The following SF1 variants were observed in gnomAD, a reference collection of about 807,000 sequenced individuals.
SF1 encodes the protein splicing factor 1, also known as branch point-binding protein.
Under a neutral mutation model 62.5 loss-of-function variants are expected in SF1, and 7 were observed. The observed-to-expected ratio is 0.11, with a 90% CI of 0.06 to 0.21. SF1 has a LOEUF of 0.21. SF1 is among the 10% of genes least tolerant of loss of function. The probability of loss-of-function intolerance (pLI) is 1.00; values close to 1 mark genes in which losing one functional copy is unlikely to be tolerated. For missense variants in SF1, 578 were observed against 884.0 expected (o/e 0.65, Z 4.39); for synonymous variants, 394 against 323.6 (o/e 1.22, Z -2.33).
intron 1 of SF1, among the ~76,000 whole-genome samples, chr11:64,777,285 C>G (rs1335924706): frequency 6.6e-6 from 1 of 152,172 alleles, no homozygotes; most frequent in Non-Finnish European, 1.5e-5. Context: ...CGTACATAGG[C>G]AGAAACTCCC....
rs564548473 is a variant in SF1 at position 64,772,751 on chromosome 11, G to A, written c.236+679C>T. The A allele has an allele frequency of 9.1e-6, 9 of 985,204 alleles. No individual in the cohort carries two copies. In the African/African-American group the frequency reaches 1.4e-4, roughly 15 times the overall value. 61.0% of individuals were successfully genotyped at this position (985,204 alleles called of 1,614,324 possible). On this transcript the variant is annotated intron_variant, in intron 3 of 12. Transcript: ENST00000377390. ...TTATTTTTCTGAGGTGAGAGAAACT[G>A]CAAACTGAAATGACATGACCACAGC...
rs180675769 is a variant in SF1, at chr11:64,770,574, A to T, written c.237-166T>A. 23 of 704,948 alleles carry T rather than the reference A, an allele frequency of 3.3e-5. 1 individual carries two copies. In the Admixed American group the frequency reaches 5.4e-4, roughly 17 times the overall value. The allele number at this position is 704,948 out of a possible 1,614,324, so 43.7% of individuals were successfully genotyped here. A position where few individuals can be genotyped will look rare whatever the true frequency, so the allele number is the denominator to read the frequency against. Reference sequence around the variant, plus strand: ...ACTCAAGATCGTGTGGAATGGGGAGATGGAAGCTGGCTTAACGTTAGGGGT... The same window carrying T: ...ACTCAAGATCGTGTGGAATGGGGAGTTGGAAGCTGGCTTAACGTTAGGGGT... On this transcript the variant is annotated intron_variant, in intron 3 of 12. Transcript: ENST00000377390.
chr11:64,773,299 T>TCCC, intron 3 of SF1, 131 bp downstream of exon 3: 1 of 1,469,386 alleles, frequency 6.8e-7, no homozygotes, highest in Non-Finnish European at 9.0e-7. Flanking sequence ...TAAACCTTAA[T>TCCC]CCCCAAAGTG....
chr11:64,777,919 G>C, intron 1 of SF1: 2 of 965,396 alleles, frequency 2.1e-6, no homozygotes, highest in Non-Finnish European at 2.5e-6. Flanking sequence ...CGTCGCCGCC[G>C]CCGCGCGCCC....
chr11:64,767,174 C>T lies in SF1; in HGVS notation c.1402+18G>A, dbSNP rs1315522330. 6.8e-6 allele frequency: 11 copies of T among 1,613,980 alleles called. No homozygotes were observed. The highest frequency in any genetic ancestry group is 8.5e-6 in the Non-Finnish European group (10 of 1,179,882). On this transcript the variant is annotated intron_variant, in intron 11 of 12. Transcript: ENST00000377390. ...CCCAAGCCTAGGTGAAGACCCACAG[C>T]CAGCAGACAGCCATTACCTTTTCCT...
chr11:64,769,220 T>A lies in SF1; in HGVS notation c.779+3A>T, dbSNP rs759662456. 6.2e-7 allele frequency: 1 copy of A among 1,612,922 alleles called. No homozygotes were observed. The highest frequency in any genetic ancestry group is 8.5e-7 in the Non-Finnish European group (1 of 1,178,868). The stretch of plus-strand genomic sequence containing the variant: ...TACACTCTCCTTTAAACTGATCACA[T>A]ACCTGTTATCGTCTTCCCGAAGGGT... On this transcript the variant is annotated splice_donor_region_variant and intron_variant, in intron 7 of 12. Coordinates refer to ENST00000377390, the MANE Select transcript of SF1 (RefSeq NM_004630.4).
At chr11:64,773,119 A>T in intron 3 of SF1, 1 of 1,183,070 alleles carries the variant, frequency 8.5e-7, no homozygotes, top group Non-Finnish European at 1.0e-6. Context: ...CTGAAAAGGC[A>T]GGTTAACGGG....
intron 1 of SF1, chr11:64,777,771 G>C: frequency 1.0e-6 from 1 of 984,918 alleles, no homozygotes; most frequent in Non-Finnish European, 1.2e-6. Flanking sequence ...TGCGCACAGA[G>C]CGCCTCCCGC....
intron 1 of SF1, among the ~76,000 whole-genome samples, 173 bp from the exon 2 acceptor site, chr11:64,776,799 G>C (rs1439203585): frequency 6.6e-6 from 1 of 152,130 alleles, no homozygotes; most frequent in Non-Finnish European, 1.5e-5. Context: ...GAGATTTAAA[G>C]CTTATGGCCA....
intron 8 of SF1, among the ~76,000 whole-genome samples, 167 bp downstream of exon 8, chr11:64,768,855 T>C (rs565592927): frequency 6.6e-6 from 1 of 152,360 alleles, no homozygotes; most frequent in South Asian, 2.1e-4. Context: ...CAGGGGTATC[T>C]GTACAGCCTA....
At chr11:64,773,708 A>G (rs1938674501) in intron 2 of SF1, among the ~76,000 whole-genome samples, 1 of 152,202 alleles carries the variant, frequency 6.6e-6, no homozygotes, top group Admixed American at 6.5e-5. Flanking sequence ...TCACTTCAAA[A>G]TGGTTATCAC....
chr11:64,771,849 T>C, intron 3 of SF1: 2 of 985,434 alleles, frequency 2.0e-6, no homozygotes, highest in Non-Finnish European at 2.4e-6. Context: ...AACCCATGCA[T>C]TTCCCTCCAA....
At chr11:64,778,266 G>C (rs1939736007) in intron 1 of SF1, 96 bp downstream of exon 1, 1 of 1,206,920 alleles carries the variant, frequency 8.3e-7, no homozygotes, top group African/African-American at 1.6e-5. Context: ...CCGGGAGCCA[G>C]CAGCCCCGCC....
intron 1 of SF1, chr11:64,777,780 G>GGCGCCCCCCCCCC: frequency 2.2e-6 from 1 of 445,452 alleles, no homozygotes; most frequent in Non-Finnish European, 2.8e-6. Context: ...AGCGCCTCCC[G>GGCGCCCCCCCCCC]CCCGCCCAGC....
intron 7 of SF1, 42 bp from the exon 8 acceptor site, chr11:64,769,171 A>G: frequency 6.2e-7 from 1 of 1,607,776 alleles, no homozygotes; most frequent in Non-Finnish European, 8.5e-7. Context: ...AACAATCTCT[A>G]CTTCCATAGG....
intron 4 of SF1, 73 bp downstream of exon 4, chr11:64,770,183 A>G: frequency 6.4e-7 from 1 of 1,574,562 alleles, no homozygotes; most frequent in Non-Finnish European, 8.7e-7. Flanking sequence ...TAGTACCAAT[A>G]CTGTCCCATC....
Position 64,778,345 on chromosome 11 carries a change from G to T in SF1, c.31+17C>A. ...TGGGCCCGGGGAGCGGGGGCAGCCCGGGGGGGCCCAGCTTACCCAACGGCG... is the reference window on the plus strand; with the variant it reads ...TGGGCCCGGGGAGCGGGGGCAGCCCTGGGGGGCCCAGCTTACCCAACGGCG... On this transcript the variant is annotated intron_variant, in intron 1 of 12. Transcript: ENST00000377390. The T allele has an allele frequency of 2.5e-6, 3 of 1,224,230 alleles. No individual in the cohort carries two copies. The highest frequency in any genetic ancestry group is 4.1e-5 in the South Asian group (1 of 24,550). 75.8% of individuals were successfully genotyped at this position (1,224,230 alleles called of 1,614,324 possible). A position where few individuals can be genotyped will look rare whatever the true frequency, so the allele number is the denominator to read the frequency against.
intron 5 of SF1, 63 bp downstream of exon 5, chr11:64,769,901 A>C: frequency 1.5e-6 from 2 of 1,297,616 alleles, no homozygotes; most frequent in Non-Finnish European, 2.2e-6. Context: ...AATTAGGCAC[A>C]AAACGGACAC....
rs1939272332 is a variant in SF1, at chr11:64,776,492, A to AT, written c.160+5dup. 1 of 1,565,514 alleles carries AT rather than the reference A, an allele frequency of 6.4e-7. No homozygotes were observed. Among genetic ancestry groups the AT allele is most frequent in the African/African-American group, 1.4e-5 (1 of 71,982 alleles). ...AAGTGCATTTGGATGCAGAACGTATATTTACCTATATAAGCTCTTTCTTGT... is the reference window on the plus strand; with the variant it reads ...AAGTGCATTTGGATGCAGAACGTATATTTTACCTATATAAGCTCTTTCTTGT... On this transcript the variant is annotated splice_donor_region_variant and intron_variant, in intron 2 of 12. Coordinates refer to ENST00000377390, the MANE Select transcript of SF1 (RefSeq NM_004630.4).
Sources: allele counts gnomAD v4.1 joint callset (sites outside exome capture counted in the v4.1 genomes callset), GRCh38; gene constraint gnomAD v4.1.1; transcripts MANE v1.5; gene names NCBI Gene and HGNC (gene_info 2026-07-23, HGNC 2026-07-21).